The following ASPM variants were observed in gnomAD, a reference collection of about 807,000 sequenced individuals.
The protein encoded by ASPM is abnormal spindle-like microcephaly-associated protein.
Under a neutral mutation model 366.4 loss-of-function variants are expected in ASPM, and 256 were observed. The ratio of observed to expected loss-of-function variants is 0.70; its 90% CI spans 0.63 to 0.77. ASPM has a LOEUF of 0.77. Ranked by LOEUF, ASPM falls within the 30% of genes least tolerant of loss-of-function variation. The pLI, the probability that ASPM is intolerant of heterozygous loss-of-function variation, is 0.00. For synonymous variants in ASPM, 1,414 were observed against 1,342.9 expected (o/e 1.05, Z -1.16); for missense variants, 4,146 against 4,090.4 (o/e 1.01, Z -0.37).
Position 197,090,024 on chromosome 1 carries a change from G to A in ASPM, c.9890C>T (p.Ser3297Phe). 1 of 1,613,054 alleles carries A rather than the reference G, an allele frequency of 6.2e-7. No individual in the cohort carries two copies. The highest frequency in any genetic ancestry group is 1.7e-5 in the Admixed American group (1 of 59,908). The change falls in exon 25 of 28, where the codon TCT (serine) becomes TTT (phenylalanine). Residue 3297 changes from serine (S) to phenylalanine (F), a missense_variant. Transcript: ENST00000367409. The part of the protein sequence containing the change: ...CENMAQSGAI[S>F]KIFVLIRSCN... ...ACTTCGGATCAAAACAAATATTTTA[G>A]AAATTGCTCCACTCTGGGCCATGTT...
In ASPM at chr1:197,110,516, G is replaced by T. The variant is rs117440596; in HGVS notation, c.4066-5331C>A. ...GCATAATCCATAAAAGAAGAAAAGTGATAACTGGATTCCAATAAAATGAAC... is the reference window on the plus strand; with the variant it reads ...GCATAATCCATAAAAGAAGAAAAGTTATAACTGGATTCCAATAAAATGAAC... On this transcript the variant is annotated intron_variant, in intron 17 of 27. Transcript: ENST00000367409. Among the ~76,000 whole-genome samples the T allele has an allele frequency of 6.9e-4, 105 of 152,090 alleles. 1 individual carries two copies. In the East Asian group the frequency reaches 0.02, roughly 29 times the overall value.
In ASPM at chr1:197,102,325, A is replaced by C; in HGVS notation, c.6926T>G (p.Leu2309Arg). The C allele has an allele frequency of 6.2e-7, 1 of 1,612,728 alleles. No individual in the cohort carries two copies. Among genetic ancestry groups the C allele is most frequent in the African/African-American group, 1.3e-5 (1 of 74,886 alleles). ...TTTAATAACTGCATTTTGTACCTGA[A>C]GGAACTGTAAGTGATGCTTTGTACA... ...HLCTKHHLQF[L>R]QVQNAVIKIQ... Residue 2309 changes from leucine to arginine, a missense_variant, in exon 18 of 28, where the codon CTT becomes CGT. Physicochemically the swap from Leu to Arg is moderately radical, Grantham distance 102 (BLOSUM62 -2). Coordinates refer to ENST00000367409, the MANE Select transcript of ASPM (RefSeq NM_018136.5).
intron 17 of ASPM, among the ~76,000 whole-genome samples, chr1:197,109,021 A>AATATGC (rs1228315040): frequency 1.3e-5 from 2 of 151,642 alleles, no homozygotes; most frequent in Admixed American, 6.6e-5. Context: ...TGAGATGATG[A>AATATGC]ATATGCTAAT....
intron 18 of ASPM, among the ~76,000 whole-genome samples, chr1:197,099,421 C>G (rs1657085557): frequency 6.6e-6 from 1 of 151,504 alleles, no homozygotes. Context: ...CACGTTATCT[C>G]TTGCAATTGG....
chr1:197,117,454 CAA>C (rs1053340412), intron 17 of ASPM, among the ~76,000 whole-genome samples: 6 of 151,744 alleles, frequency 4.0e-5, no homozygotes, highest in Non-Finnish European at 8.8e-5. Context: ...GGACTCAAAG[CAA>C]AGATAAAAAA....
chr1:197,138,753 T>G (rs1457526736), intron 4 of ASPM: 4 of 719,666 alleles, frequency 5.6e-6, no homozygotes, highest in Non-Finnish European at 7.6e-6. Flanking sequence ...AACGATTATT[T>G]CTTACGATGT....
intron 1 of ASPM, among the ~76,000 whole-genome samples, chr1:197,145,509 C>G (rs1255246154): frequency 5.3e-5 from 8 of 151,534 alleles, no homozygotes; most frequent in Non-Finnish European, 1.2e-4. Context: ...TTAGCCAGAA[C>G]AAAGCTCACT....
chr1:197,127,819 C>G (rs1658134688), intron 10 of ASPM, among the ~76,000 whole-genome samples: 1 of 152,262 alleles, frequency 6.6e-6, no homozygotes, highest in African/African-American at 2.4e-5. Flanking sequence ...AAGGTTAATA[C>G]TACTAAAAAT....
At chr1:197,090,428 A>C (rs752825324) in intron 23 of ASPM, 40 bp from the exon 24 acceptor site, 1 of 1,453,942 alleles carries the variant, frequency 6.9e-7, no homozygotes, top group East Asian at 2.3e-5. Flanking sequence ...GATTATAGCC[A>C]ATGTTTTCTA....
In ASPM at chr1:197,139,776, A is replaced by T. The variant is rs755675522; in HGVS notation, c.2017T>A (p.Leu673Ile). ...AQSSLTFIKP[L>I]KTDIPRHPMP... ...TATAATAAATACTTGCCTGTTTTTA[A>T]TGGTTTTATGAAGGTCAAACTGGAC... The change falls in exon 4 of 28, where the codon TTA becomes ATA. Residue 673 changes from leucine to isoleucine, a missense_variant. By Grantham distance (5) the Leu-to-Ile change is conservative. Coordinates refer to ENST00000367409, the MANE Select transcript of ASPM (RefSeq NM_018136.5). 1 of 1,600,548 alleles carries T rather than the reference A, an allele frequency of 6.2e-7. No individual in the cohort carries two copies. Among genetic ancestry groups the T allele is most frequent in the Admixed American group, 1.7e-5 (1 of 60,008 alleles).
chr1:197,114,274 G>A (rs1202716522), intron 17 of ASPM, among the ~76,000 whole-genome samples: 2 of 152,160 alleles, frequency 1.3e-5, no homozygotes, highest in African/African-American at 4.8e-5. Context: ...AACCATGTGA[G>A]CCTTCAGCAA....
Position 197,142,278 on chromosome 1 carries a change from G to C in ASPM, c.1921+53C>G, listed in dbSNP as rs1571629438. On this transcript the variant is annotated intron_variant, in intron 3 of 27. Transcript: ENST00000367409. ...CAATAGCAGATTTACTAAACCAAAA[G>C]GAAGTATCCCCTTTACAGGTATACT... The C allele has an allele frequency of 4.3e-5, 67 of 1,563,464 alleles. No individual in the cohort carries two copies. The East Asian group carries it at 1.5e-3, about 35-fold the overall frequency.
chr1:197,092,774 A>G (rs569762033), intron 21 of ASPM, among the ~76,000 whole-genome samples: 1 of 151,838 alleles, frequency 6.6e-6, no homozygotes, highest in African/African-American at 2.4e-5. Flanking sequence ...CCTCTCTCTC[A>G]TATTTTCAGT....
chr1:197,126,467 AGG>A (rs141515412), intron 10 of ASPM, among the ~76,000 whole-genome samples: 2 of 19,880 alleles, frequency 1.0e-4, no homozygotes, highest in Admixed American at 1.2e-3. Flanking sequence ...AAAAAAAAAA[AGG>A]GAGGGGGACT....
In ASPM at chr1:197,084,198, G is replaced by T; in HGVS notation, c.*126C>A. 1.4e-6 allele frequency: 1 copy of T among 695,908 alleles called. No individual in the cohort carries two copies. Among genetic ancestry groups the T allele is most frequent in the Non-Finnish European group, 2.5e-6 (1 of 396,550 alleles). 43.1% of individuals were successfully genotyped at this position (695,908 alleles called of 1,614,324 possible). A position where few individuals can be genotyped will look rare whatever the true frequency, so the allele number is the denominator to read the frequency against. Reference sequence around the variant, plus strand: ...ATAAAAATGAAGAATGTAATGAACAGTTTATGTTTTTTTAAAACAAAGTCA... The same window carrying T: ...ATAAAAATGAAGAATGTAATGAACATTTTATGTTTTTTTAAAACAAAGTCA... On this transcript the variant is annotated 3_prime_UTR_variant, in exon 28 of 28. Coordinates refer to ENST00000367409, the MANE Select transcript of ASPM (RefSeq NM_018136.5).
chr1:197,092,947 T>C (rs1032478911), intron 21 of ASPM, 105 bp downstream of exon 21: 2 of 974,954 alleles, frequency 2.1e-6, no homozygotes, highest in Non-Finnish European at 3.2e-6. Context: ...TTAATGGTCA[T>C]ATTAGTTCTG....
In ASPM at chr1:197,103,494, C is replaced by A; in HGVS notation, c.5757G>T (p.Leu1919Phe). The A allele has an allele frequency of 1.9e-6, 3 of 1,613,210 alleles. No homozygotes were observed. Among genetic ancestry groups the A allele is most frequent in the Non-Finnish European group, 2.5e-6 (3 of 1,179,490 alleles). Residue 1919 changes from leucine to phenylalanine, a missense_variant, in exon 18 of 28, where the codon TTG becomes TTT. Leu to Phe is a conservative substitution (Grantham distance 22). This residue lies in a region of ASPM where 3,624 missense variants were observed against 3,591.7 expected (regional missense o/e 1.01). Transcript: ENST00000367409. ...GGATGACTAATGCTGCTGTTTTAAA[C>A]AATCTAAACTGTTTCTGGGCCTTGG... ...RMAKAQKQFR[L>F]FKTAALVIQQ...
chr1:197,090,820 T>A (rs1450779741), intron 23 of ASPM, 30 bp downstream of exon 23: 1 of 1,592,484 alleles, frequency 6.3e-7, no homozygotes, highest in Non-Finnish European at 8.6e-7. Context: ...AACTAAAGTT[T>A]TGAACTAAAA....
At chr1:197,145,529 G>C (rs781132637) in intron 1 of ASPM, among the ~76,000 whole-genome samples, 5 of 148,558 alleles carry the variant, frequency 3.4e-5, no homozygotes, top group African/African-American at 4.9e-5. Context: ...TATTTCACCG[G>C]AAAAAAAAAC....
Sources: allele counts gnomAD v4.1 joint callset (sites outside exome capture counted in the v4.1 genomes callset), GRCh38; gene constraint gnomAD v4.1.1; regional missense constraint gnomAD v4.1.1; transcripts MANE v1.5; gene names NCBI Gene and HGNC (gene_info 2026-07-23, HGNC 2026-07-21).